BRAP: variants seen among roughly 807,000 people sequenced by gnomAD.
The protein encoded by BRAP is BRCA1 associated protein.
Under a neutral mutation model 73.4 loss-of-function variants are expected in BRAP, and 42 were observed. The ratio of observed to expected loss-of-function variants is 0.57; its 90% CI spans 0.45 to 0.74. The LOEUF (loss-of-function observed/expected upper bound fraction) is 0.74. Ranked by LOEUF, BRAP falls within the 30% of genes least tolerant of loss-of-function variation. The probability of loss-of-function intolerance (pLI) is 0.00; values close to 1 mark genes in which losing one functional copy is unlikely to be tolerated. For synonymous variants in BRAP, 255 were observed against 267.4 expected (o/e 0.95, Z 0.45); for missense variants, 593 against 751.4 (o/e 0.79, Z 2.46).
chr12:111,656,747 T>G (rs193106841), intron 9 of BRAP, among the ~76,000 whole-genome samples: 115 of 152,212 alleles, frequency 7.6e-4, no homozygotes, highest in African/African-American at 2.7e-3. Flanking sequence ...CTTTTTTTTT[T>G]GTTTAAAACT....
At position 111,665,184 on chromosome 12, in the gene BRAP, G is replaced by C. The variant is rs866788268; in HGVS notation, c.896+455C>G. Among the ~76,000 whole-genome samples the C allele has an allele frequency of 1.3e-5, 2 of 152,276 alleles. No homozygotes were observed. Among genetic ancestry groups the C allele is most frequent in the Middle Eastern group, 3.4e-3 (1 of 294 alleles). On this transcript the variant is annotated intron_variant, in intron 6 of 11. Transcript: ENST00000419234. This position sits in a 1 kb window ranked among gnomAD's most constrained non-coding sequence, Gnocchi z 4.3. ...TTGGGAATCAGGAGGCTGTAGAGTAGATCTCATACTTAGTAACTGCTATTT... is the reference window on the plus strand; with the variant it reads ...TTGGGAATCAGGAGGCTGTAGAGTACATCTCATACTTAGTAACTGCTATTT...
rs1337983749 is a variant in BRAP at position 111,665,014 on chromosome 12, A to G, written c.896+625T>C. Among the ~76,000 whole-genome samples the G allele has an allele frequency of 4.6e-5, 7 of 152,194 alleles. No homozygotes were observed. In the East Asian group the frequency reaches 1.3e-3, roughly 29 times the overall value. The stretch of plus-strand genomic sequence containing the variant: ...TCTGTACTGGGAAATCCAGAAGGCC[A>G]GCATCTGATACACCTTTCTGGTTAA... On this transcript the variant is annotated intron_variant, in intron 6 of 11. Coordinates refer to ENST00000419234, the MANE Select transcript of BRAP (RefSeq NM_006768.5). The surrounding 1 kb of genome is among the most constrained non-coding windows in gnomAD (Gnocchi z 4.3).
intron 9 of BRAP, among the ~76,000 whole-genome samples, chr12:111,658,446 C>T (rs1886614387): frequency 6.6e-6 from 1 of 152,062 alleles, no homozygotes; most frequent in African/African-American, 2.4e-5. Flanking sequence ...CTGCCTCAGC[C>T]TCCCGAGGAG....
rs142839927 is a variant in BRAP at position 111,665,262 on chromosome 12, T to G, written c.896+377A>C. ...CAGCAAAGCTAAAATATTAGGCTGC[T>G]GTAGCCCAGTTGATAAGAAGCCCAG... On this transcript the variant is annotated intron_variant, in intron 6 of 11. Transcript: ENST00000419234. This position sits in a 1 kb window ranked among gnomAD's most constrained non-coding sequence, Gnocchi z 4.3. Among the ~76,000 whole-genome samples, 541 of 152,320 alleles carry G rather than the reference T, an allele frequency of 3.6e-3. 5 individuals are homozygous for G. Among genetic ancestry groups the G allele is most frequent in the Middle Eastern group, 0.024 (7 of 294 alleles).
rs1885943372 is a variant in BRAP, at chr12:111,642,746, C to T, written c.*1453G>A. The T allele has an allele frequency of 6.6e-6, 1 of 152,148 alleles. No individual in the cohort carries two copies. The highest frequency in any genetic ancestry group is 6.6e-5 in the Admixed American group (1 of 15,250). 9.4% of individuals were successfully genotyped at this position (152,148 alleles called of 1,614,324 possible). Reference sequence around the variant, plus strand: ...TCCAAGAGAGACTCAAAGAGTTGGTCTGCCCTAAGTAAAAATTAAGAATGT... The same window carrying T: ...TCCAAGAGAGACTCAAAGAGTTGGTTTGCCCTAAGTAAAAATTAAGAATGT... On this transcript the variant is annotated 3_prime_UTR_variant, in exon 12 of 12. Coordinates refer to ENST00000419234, the MANE Select transcript of BRAP (RefSeq NM_006768.5).
Position 111,683,322 on chromosome 12 carries a change from A to G in BRAP, c.83-15T>C, listed in dbSNP as rs1887677021. 1.9e-6 allele frequency: 3 copies of G among 1,604,034 alleles called. No homozygotes were observed. The East Asian group carries it at 6.7e-5, about 36-fold the overall frequency. ...CATTTCCCCGGCTAAAGAACACATG[A>G]ATGATTAATACAAGGTAATAAAACA... is the stretch of plus-strand genomic sequence containing the variant. On this transcript the variant is annotated splice_polypyrimidine_tract_variant and intron_variant, in intron 1 of 11. Coordinates refer to ENST00000419234, the MANE Select transcript of BRAP (RefSeq NM_006768.5).
chr12:111,645,715 G>T (rs1014362696), intron 11 of BRAP, among the ~76,000 whole-genome samples: 5 of 152,170 alleles, frequency 3.3e-5, no homozygotes, highest in Admixed American at 6.6e-5. Context: ...ATTGGCTCAT[G>T]CTTGGAATCC....
intron 6 of BRAP, among the ~76,000 whole-genome samples, chr12:111,661,788 T>C (rs1301069391): frequency 6.6e-6 from 1 of 151,048 alleles, no homozygotes; most frequent in Non-Finnish European, 1.5e-5. Flanking sequence ...CTCAGCTCAC[T>C]GCAGCCTCTG....
chr12:111,658,567 A>G (rs1311375657), intron 9 of BRAP, among the ~76,000 whole-genome samples, 169 bp downstream of exon 9: 2 of 151,462 alleles, frequency 1.3e-5, no homozygotes, highest in Non-Finnish European at 2.9e-5. Context: ...CAGGTGATCC[A>G]CCTGCCTCAG....
intron 9 of BRAP, among the ~76,000 whole-genome samples, 195 bp downstream of exon 9, chr12:111,658,541 C>T (rs1886618251): frequency 6.6e-6 from 1 of 152,106 alleles, no homozygotes; most frequent in Non-Finnish European, 1.5e-5. Context: ...CCAGGCTGGT[C>T]TTGAACTCCT....
chr12:111,665,839 T>C lies in BRAP; in HGVS notation c.748-52A>G, dbSNP rs749393967. The stretch of plus-strand genomic sequence containing the variant: ...CACTCTTCATCTACCAGCAATACTT[T>C]ATTTTTCCTTCTTTTTTCTGAGACA... On this transcript the variant is annotated intron_variant, in intron 5 of 11. Coordinates refer to ENST00000419234, the MANE Select transcript of BRAP (RefSeq NM_006768.5). The surrounding 1 kb of genome is among the most constrained non-coding windows in gnomAD (Gnocchi z 4.3). 1.4e-4 allele frequency: 220 copies of C among 1,606,060 alleles called. No homozygotes were observed. Among genetic ancestry groups the C allele is most frequent in the Non-Finnish European group, 1.8e-4 (207 of 1,173,470 alleles).
At chr12:111,672,638 A>T in intron 5 of BRAP, 23 bp downstream of exon 5, 1 of 1,583,694 alleles carries the variant, frequency 6.3e-7, no homozygotes, top group Non-Finnish European at 8.7e-7. Context: ...TTTTAATTAA[A>T]TATAGGAACA....
intron 10 of BRAP, among the ~76,000 whole-genome samples, chr12:111,653,763 C>A (rs924992369): frequency 2.4e-4 from 36 of 152,160 alleles, no homozygotes; most frequent in African/African-American, 7.5e-4. Context: ...GGACAAGGGA[C>A]TGGCCAAAAG....
chr12:111,678,250 A>G (rs1176326216), intron 4 of BRAP, among the ~76,000 whole-genome samples: 6 of 97,978 alleles, frequency 6.1e-5, no homozygotes, highest in African/African-American at 2.6e-4. Context: ...ACTCCGTCTC[A>G]AAAAAAAAAA....
In BRAP at chr12:111,643,960, T is replaced by C. The variant is rs1049987831; in HGVS notation, c.*239A>G. Reference sequence around the variant, plus strand: ...CCAAGCAGGAAGGCAAAATGGTCATTAGAATGTGAGGTTAGTGAACTCTTA... The same window carrying C: ...CCAAGCAGGAAGGCAAAATGGTCATCAGAATGTGAGGTTAGTGAACTCTTA... On this transcript the variant is annotated 3_prime_UTR_variant, in exon 12 of 12. Coordinates refer to ENST00000419234, the MANE Select transcript of BRAP (RefSeq NM_006768.5). 4.6e-5 allele frequency: 25 copies of C among 544,552 alleles called. No homozygotes were observed. Among genetic ancestry groups the C allele is most frequent in the Admixed American group, 2.1e-4 (6 of 28,118 alleles). 33.7% of individuals were successfully genotyped at this position (544,552 alleles called of 1,614,324 possible).
In BRAP at chr12:111,655,559, G is replaced by C; in HGVS notation, c.1311+7C>G. ...TTTCCGCAGTCACCCAAACCAAACA[G>C]ACTTACTTCCTCTGCTGTGTCCTTC... On this transcript the variant is annotated splice_region_variant and intron_variant, in intron 10 of 11. Transcript: ENST00000419234. The C allele has an allele frequency of 6.2e-7, 1 of 1,608,742 alleles. No individual in the cohort carries two copies. The highest frequency in any genetic ancestry group is 8.5e-7 in the Non-Finnish European group (1 of 1,175,164).
intron 5 of BRAP, among the ~76,000 whole-genome samples, chr12:111,667,749 A>T: frequency 6.6e-6 from 1 of 150,488 alleles, no homozygotes; most frequent in African/African-American, 2.5e-5. Flanking sequence ...AAATACAAAA[A>T]CTAACACCCT....
intron 11 of BRAP, among the ~76,000 whole-genome samples, chr12:111,648,770 C>T (rs1391085749): frequency 6.6e-6 from 1 of 151,174 alleles, no homozygotes; most frequent in African/African-American, 2.4e-5. Flanking sequence ...ACTAAAAATA[C>T]AAAAAAATTA....
intron 5 of BRAP, chr12:111,670,042 C>T: frequency 1.6e-6 from 1 of 631,852 alleles, no homozygotes; most frequent in Non-Finnish European, 3.0e-6. Flanking sequence ...TCTTCATCTT[C>T]ATTAAAAGCT....
Sources: allele counts gnomAD v4.1 joint callset (sites outside exome capture counted in the v4.1 genomes callset), GRCh38; gene constraint gnomAD v4.1.1; non-coding constraint Gnocchi (gnomAD v3.1); transcripts MANE v1.5; gene names NCBI Gene and HGNC (gene_info 2026-07-23, HGNC 2026-07-21).